Variants in CSMD3 observed in about 807,000 individuals in gnomAD.
The protein encoded by CSMD3 is CUB and Sushi multiple domains 3.
A neutral mutation model predicts 435.2 loss-of-function variants in CSMD3; 177 were observed. The observed-to-expected ratio is 0.41, with a 90% CI of 0.36 to 0.46. CSMD3 has a LOEUF of 0.46. Among genes scored for constraint, CSMD3 ranks in the 20% least tolerant of loss-of-function variants. The pLI is 0.34. For missense variants in CSMD3, 4,265 were observed against 4,504.6 expected (o/e 0.95, Z 1.52); for synonymous variants, 1,656 against 1,520.5 (o/e 1.09, Z -2.07).
intron 13 of CSMD3, among the ~76,000 whole-genome samples, chr8:112,724,367 G>A (rs2076922655): frequency 6.6e-6 from 1 of 151,998 alleles, no homozygotes. Context: ...CAAGATATTA[G>A]CAGTAGAGGT....
chr8:113,368,634 C>T (rs888023701), intron 1 of CSMD3, among the ~76,000 whole-genome samples: 2 of 151,988 alleles, frequency 1.3e-5, no homozygotes, highest in Non-Finnish European at 1.5e-5. Context: ...CCCTTTTATC[C>T]GCAGTTATAA....
chr8:112,887,388 A>T (rs1215428562), intron 10 of CSMD3, among the ~76,000 whole-genome samples: 1 of 151,302 alleles, frequency 6.6e-6, no homozygotes, highest in African/African-American at 2.4e-5. Context: ...AGAGTATTAA[A>T]GAAAAAATAT....
At chr8:113,125,303 A>G (rs1480152089) in intron 4 of CSMD3, among the ~76,000 whole-genome samples, 1 of 152,010 alleles carries the variant, frequency 6.6e-6, no homozygotes, top group African/African-American at 2.4e-5. Context: ...CTGTGTATCT[A>G]TATTTACTAT....
chr8:112,268,940 A>G (rs1209464089), intron 59 of CSMD3, among the ~76,000 whole-genome samples: 1 of 152,138 alleles, frequency 6.6e-6, no homozygotes, highest in African/African-American at 2.4e-5. Flanking sequence ...CAGTCAAACA[A>G]TTCTTCGTTG....
chr8:113,187,153 T>A (rs2092517102), intron 3 of CSMD3, among the ~76,000 whole-genome samples: 1 of 151,518 alleles, frequency 6.6e-6, no homozygotes, highest in Non-Finnish European at 1.5e-5. Context: ...TTTTTTTTCT[T>A]CTTCTTCTTC....
chr8:112,554,282 C>CCATGGAGGGTATAT (rs1372657625), intron 25 of CSMD3, among the ~76,000 whole-genome samples: 3 of 151,886 alleles, frequency 2.0e-5, no homozygotes, highest in Non-Finnish European at 4.4e-5. Context: ...ACTGATATAC[C>CCATGGAGGGTATAT]CATGGAGGGC....
intron 32 of CSMD3, among the ~76,000 whole-genome samples, chr8:112,418,492 T>A (rs1812149882): frequency 6.6e-6 from 1 of 152,172 alleles, no homozygotes. Context: ...TATAAATAGC[T>A]ACAAATTTGC....
intron 23 of CSMD3, among the ~76,000 whole-genome samples, chr8:112,581,526 G>T (rs1830335510): frequency 6.6e-6 from 1 of 152,002 alleles, no homozygotes; most frequent in South Asian, 2.1e-4. Flanking sequence ...TATTAGATTA[G>T]AAACAATAAC....
intron 59 of CSMD3, among the ~76,000 whole-genome samples, chr8:112,271,526 G>GAGATAAA (rs2130480373): frequency 6.6e-6 from 1 of 152,158 alleles, no homozygotes; most frequent in Non-Finnish European, 1.5e-5. Context: ...TACAGAAGAA[G>GAGATAAA]AGATAAAAGT....
chr8:113,346,864 T>C (rs916071172), intron 1 of CSMD3, among the ~76,000 whole-genome samples: 5 of 152,102 alleles, frequency 3.3e-5, no homozygotes, highest in Non-Finnish European at 7.4e-5. Flanking sequence ...ATATACAGAT[T>C]TGGGGTACCA....
At chr8:113,195,814 T>TACACAC (rs1015240509) in intron 3 of CSMD3, among the ~76,000 whole-genome samples, 35 of 133,446 alleles carry the variant, frequency 2.6e-4, no homozygotes, top group African/African-American at 8.8e-4. Flanking sequence ...TATATATATA[T>TACACAC]ACACACACAC....
intron 10 of CSMD3, among the ~76,000 whole-genome samples, chr8:112,899,074 C>T (rs546382758): frequency 6.6e-6 from 1 of 151,270 alleles, no homozygotes; most frequent in Admixed American, 6.6e-5. Context: ...TAAGCCACAA[C>T]TCGGACATGT....
At chr8:112,518,912 GGA>G (rs1823990027) in intron 27 of CSMD3, among the ~76,000 whole-genome samples, 1 of 151,782 alleles carries the variant, frequency 6.6e-6, no homozygotes. Context: ...TGGCAGAGAA[GGA>G]GAGAGAGAGT....
chr8:112,572,989 AATGAG>A (rs1829658165), intron 24 of CSMD3, among the ~76,000 whole-genome samples: 1 of 152,122 alleles, frequency 6.6e-6, no homozygotes, highest in East Asian at 1.9e-4. Flanking sequence ...ACTTTAACAT[AATGAG>A]ATAATAGAAC....
chr8:112,669,902 A>T (rs1292226650), intron 16 of CSMD3, among the ~76,000 whole-genome samples: 3 of 152,174 alleles, frequency 2.0e-5, no homozygotes, highest in Non-Finnish European at 4.4e-5. Context: ...AATAATTTGC[A>T]TCTGAACTGT....
intron 6 of CSMD3, among the ~76,000 whole-genome samples, chr8:112,990,975 T>G (rs1317670628): frequency 6.6e-6 from 1 of 151,778 alleles, no homozygotes; most frequent in East Asian, 1.9e-4. Flanking sequence ...GTAAAATTTT[T>G]GTTGTTCCTA....
intron 38 of CSMD3, among the ~76,000 whole-genome samples, chr8:112,370,023 G>GGAAGAAGAGGAA (rs1563852370): frequency 1.5e-4 from 10 of 66,534 alleles, no homozygotes; most frequent in Non-Finnish European, 2.8e-4. Flanking sequence ...AAGAAGAAGA[G>GGAAGAAGAGGAA]GAAGAAGAAG....
intron 1 of CSMD3, among the ~76,000 whole-genome samples, chr8:113,408,298 G>A (rs1008778335): frequency 6.6e-6 from 1 of 151,998 alleles, no homozygotes; most frequent in Admixed American, 6.6e-5. Flanking sequence ...CAATCATAAT[G>A]AAAAAATACA....
intron 4 of CSMD3, among the ~76,000 whole-genome samples, chr8:113,114,707 G>C (rs1230123762): frequency 6.6e-6 from 1 of 152,114 alleles, no homozygotes; most frequent in Non-Finnish European, 1.5e-5. Context: ...TTTACAAAAA[G>C]TAGGAATTTT....
Sources: gnomAD v4.1 joint callset for allele counts (sites outside exome capture counted in the v4.1 genomes callset) on GRCh38, gnomAD v4.1.1 for gene constraint, MANE v1.5 for transcripts, NCBI Gene and HGNC (gene_info 2026-07-23, HGNC 2026-07-21) for gene names.